CHD2: variants seen among roughly 807,000 people sequenced by gnomAD.
CHD2 encodes chromodomain helicase DNA binding protein 2.
A neutral mutation model predicts 243.9 loss-of-function variants in CHD2; 28 were observed. The observed-to-expected ratio is 0.11, with a 90% CI of 0.09 to 0.16. The LOEUF (loss-of-function observed/expected upper bound fraction) is 0.16, where lower values mean the gene tolerates loss of function less well. Ranked by LOEUF, CHD2 falls within the 10% of genes least tolerant of loss-of-function variation. The pLI is 1.00. For missense variants in CHD2, 1,386 were observed against 2,209.8 expected (o/e 0.63, Z 7.47); for synonymous variants, 775 against 779.0 (o/e 0.99, Z 0.09).
chr15:93,009,002 C>T (rs1387299977), intron 34 of CHD2, 143 bp from the exon 35 acceptor site: 1 of 861,582 alleles, frequency 1.2e-6, no homozygotes, highest in African/African-American at 1.7e-5. Context: ...ACACTTACTC[C>T]ACTGCACTAG....
At chr15:92,980,551 A>C (rs1190528344) in intron 22 of CHD2, among the ~76,000 whole-genome samples, 1 of 152,198 alleles carries the variant, frequency 6.6e-6, no homozygotes, top group Non-Finnish European at 1.5e-5. Flanking sequence ...TCCATTCTAT[A>C]ACATTGCTAG....
At chr15:92,993,050 G>T in intron 28 of CHD2, 52 bp downstream of exon 28, 1 of 1,601,616 alleles carries the variant, frequency 6.2e-7, no homozygotes, top group Non-Finnish European at 8.5e-7. Context: ...TCTTGGACTG[G>T]ATTTCTGTTG....
At chr15:92,920,923 C>T (rs1356743469) in intron 2 of CHD2, among the ~76,000 whole-genome samples, 3 of 152,114 alleles carry the variant, frequency 2.0e-5, no homozygotes, top group Non-Finnish European at 4.4e-5. Context: ...CCAGATTACT[C>T]GATAGTATGG....
chr15:92,909,423 G>GT (rs910337711), intron 2 of CHD2, among the ~76,000 whole-genome samples: 6 of 152,154 alleles, frequency 3.9e-5, no homozygotes, highest in African/African-American at 1.4e-4. Context: ...ATTTGTATGG[G>GT]TTGTTTCTAA....
In CHD2 at chr15:93,014,722, T is replaced by G. The variant is rs2054436203; in HGVS notation, c.4719T>G (p.Thr1573=). 2 of 1,614,150 alleles carry G rather than the reference T, an allele frequency of 1.2e-6. No individual in the cohort carries two copies. Among genetic ancestry groups the G allele is most frequent in the African/African-American group, 2.7e-5 (2 of 75,028 alleles). ...AGCAAAAGAAGAAAGACGACGTGAC[T>G]GGGGGTAAGAAACCATTTCGTCCAG... ...EEEQKKKDDV[T]GGKKPFRPEA... The change falls in exon 37 of 39, where the codon ACT becomes ACG. Residue 1573 remains threonine, a synonymous_variant. Transcript: ENST00000394196.
At chr15:92,930,517 T>C (rs1286183240) in intron 5 of CHD2, among the ~76,000 whole-genome samples, 1 of 152,058 alleles carries the variant, frequency 6.6e-6, no homozygotes, top group Admixed American at 6.6e-5. Flanking sequence ...ACTGCAGCCT[T>C]GGCTTGCTGG....
At chr15:93,016,052 C>A (rs1446392138) in intron 37 of CHD2, among the ~76,000 whole-genome samples, 1 of 152,182 alleles carries the variant, frequency 6.6e-6, no homozygotes, top group South Asian at 2.1e-4. Context: ...GAAATGCCTG[C>A]ACTTACATAT....
At chr15:92,906,757 A>T (rs1231929476) in intron 2 of CHD2, among the ~76,000 whole-genome samples, 2 of 144,212 alleles carry the variant, frequency 1.4e-5, no homozygotes, top group Non-Finnish European at 3.0e-5. Flanking sequence ...GGCTTTCTTG[A>T]TATGGTGTCA....
At chr15:92,904,946 C>G (rs771062205) in intron 2 of CHD2, 1 of 1,535,808 alleles carries the variant, frequency 6.5e-7, no homozygotes, top group African/African-American at 1.4e-5. Context: ...TGAACTTGTC[C>G]CCATGCGTTT....
At chr15:92,986,485 A>C (rs1200686933) in intron 26 of CHD2, among the ~76,000 whole-genome samples, 1 of 151,988 alleles carries the variant, frequency 6.6e-6, no homozygotes, top group Non-Finnish European at 1.5e-5. Flanking sequence ...AAAAATAGAA[A>C]TATTTCAAAA....
chr15:92,992,169 A>G (rs1343367410), intron 27 of CHD2, among the ~76,000 whole-genome samples: 2 of 152,150 alleles, frequency 1.3e-5, no homozygotes, highest in Non-Finnish European at 2.9e-5. Context: ...AGTGGGTGAA[A>G]ATTACAAGCC....
At chr15:92,958,422 T>C (rs2053643525) in intron 16 of CHD2, among the ~76,000 whole-genome samples, 1 of 152,226 alleles carries the variant, frequency 6.6e-6, no homozygotes, top group South Asian at 2.1e-4. Context: ...TCAAATGTTT[T>C]GGCATTTTAA....
chr15:93,010,538 T>C (rs1016799038), intron 35 of CHD2, among the ~76,000 whole-genome samples: 3 of 152,046 alleles, frequency 2.0e-5, no homozygotes, highest in African/African-American at 4.8e-5. Context: ...ATTCTCCTGC[T>C]TCAGCCTCCT....
chr15:92,984,655 G>C (rs1338744846), intron 25 of CHD2, among the ~76,000 whole-genome samples, 155 bp downstream of exon 25: 4 of 152,222 alleles, frequency 2.6e-5, no homozygotes, highest in African/African-American at 9.6e-5. Context: ...AAGGAAAGTG[G>C]AGAAATCTGC....
chr15:92,965,539 G>A (rs540142352), intron 16 of CHD2, among the ~76,000 whole-genome samples: 91 of 140,116 alleles, frequency 6.5e-4, no homozygotes, highest in Non-Finnish European at 1.2e-3. Context: ...ACTCCAGCCT[G>A]GGCGACAGAG....
At chr15:92,970,818 T>C (rs913036770) in intron 17 of CHD2, among the ~76,000 whole-genome samples, 1 of 152,124 alleles carries the variant, frequency 6.6e-6, no homozygotes, top group African/African-American at 2.4e-5. Context: ...AGTTCTGGAG[T>C]GAAGACCTTG....
intron 5 of CHD2, among the ~76,000 whole-genome samples, chr15:92,929,838 T>C (rs1256658928): frequency 6.6e-6 from 1 of 152,132 alleles, no homozygotes; most frequent in Non-Finnish European, 1.5e-5. Context: ...TAGGTACATA[T>C]GCTCTGTTGT....
intron 5 of CHD2, among the ~76,000 whole-genome samples, chr15:92,935,690 T>G (rs1269016808): frequency 6.6e-6 from 1 of 152,224 alleles, no homozygotes; most frequent in African/African-American, 2.4e-5. Flanking sequence ...GGTCTCCCAC[T>G]TACTGTAAAC....
chr15:92,936,890 C>T lies in CHD2; in HGVS notation c.444-628C>T, dbSNP rs181519043. Among the ~76,000 whole-genome samples the T allele has an allele frequency of 1.3e-4, 19 of 151,978 alleles. No homozygotes were observed. The East Asian group carries it at 1.4e-3, about 11-fold the overall frequency. On this transcript the variant is annotated intron_variant, in intron 5 of 38. Transcript: ENST00000394196. ...ATAGGGGCAGGGTTTCACTCTTAAC[C>T]GCCTAGGGTGGAGTACAGTGGCAAA... is the stretch of plus-strand genomic sequence containing the variant.
Sources: gnomAD v4.1 joint callset for allele counts (sites outside exome capture counted in the v4.1 genomes callset) on GRCh38, gnomAD v4.1.1 for gene constraint, MANE v1.5 for transcripts, NCBI Gene and HGNC (gene_info 2026-07-23, HGNC 2026-07-21) for gene names.